Variants in EVA1C observed in about 807,000 individuals in gnomAD.
The protein encoded by EVA1C is protein eva-1 homolog C.
Under a neutral mutation model 45.4 loss-of-function variants are expected in EVA1C, and 25 were observed. The ratio of observed to expected loss-of-function variants is 0.55; its 90% CI spans 0.40 to 0.77. EVA1C has a LOEUF of 0.77. Among genes scored for constraint, EVA1C ranks in the 30% least tolerant of loss-of-function variants. EVA1C has a pLI of 0.00. For missense variants in EVA1C, 479 were observed against 554.8 expected (o/e 0.86, Z 1.37); for synonymous variants, 190 against 221.2 (o/e 0.86, Z 1.25).
At chr21:32,482,618 G>A (rs1362956139) in intron 4 of EVA1C, among the ~76,000 whole-genome samples, 1 of 152,162 alleles carries the variant, frequency 6.6e-6, no homozygotes, top group Non-Finnish European at 1.5e-5. Flanking sequence ...TATTTATTGA[G>A]TCGGACACTG....
intron 1 of EVA1C, among the ~76,000 whole-genome samples, chr21:32,416,970 T>G (rs933846023): frequency 4.6e-5 from 7 of 152,184 alleles, no homozygotes; most frequent in African/African-American, 1.7e-4. Flanking sequence ...GTTGTTGTTG[T>G]TTTTTAATGG....
At chr21:32,438,395 G>A (rs2035043872) in intron 1 of EVA1C, among the ~76,000 whole-genome samples, 1 of 150,058 alleles carries the variant, frequency 6.7e-6, no homozygotes, top group Admixed American at 6.7e-5. Flanking sequence ...TACTCGGGAG[G>A]CTGAGGCAGG....
rs147243845 is a variant in EVA1C, at chr21:32,503,835, C to T, written c.860-91C>T. Reference sequence around the variant, plus strand: ...TTTCTGTGACTTTTAATTATTCCGGCGGTCCCTGGGGTAGGAGCAGCAGGG... The same window carrying T: ...TTTCTGTGACTTTTAATTATTCCGGTGGTCCCTGGGGTAGGAGCAGCAGGG... On this transcript the variant is annotated intron_variant, in intron 6 of 7. Transcript: ENST00000300255. 2.3e-4 allele frequency: 172 copies of T among 752,878 alleles called. No homozygotes were observed. In the East Asian group the frequency reaches 4.3e-3, roughly 19 times the overall value. The allele number at this position is 752,878 out of a possible 1,614,324, so 46.6% of individuals were successfully genotyped here. A position where few individuals can be genotyped will look rare whatever the true frequency, so the allele number is the denominator to read the frequency against.
chr21:32,510,963 C>T (rs2037926868), intron 7 of EVA1C, among the ~76,000 whole-genome samples: 2 of 152,068 alleles, frequency 1.3e-5, no homozygotes, highest in Non-Finnish European at 1.5e-5. Context: ...TTGTTTGAGC[C>T]CAGGAATTCA....
chr21:32,450,069 A>G (rs2035522660), intron 1 of EVA1C, among the ~76,000 whole-genome samples: 1 of 152,218 alleles, frequency 6.6e-6, no homozygotes, highest in Non-Finnish European at 1.5e-5. Context: ...AATTCTATGC[A>G]CTGAGCTTCT....
intron 3 of EVA1C, among the ~76,000 whole-genome samples, chr21:32,466,639 G>A (rs554895519): frequency 3.1e-4 from 47 of 152,070 alleles, no homozygotes; most frequent in African/African-American, 1.1e-3. Flanking sequence ...AGCACTACCT[G>A]GTCCAAAACA....
intron 1 of EVA1C, among the ~76,000 whole-genome samples, chr21:32,449,054 G>GAGAAA (rs563773215): frequency 6.6e-6 from 1 of 151,748 alleles, no homozygotes. Flanking sequence ...AGGAAAGAAA[G>GAGAAA]AGAAAAGAAA....
At chr21:32,502,627 A>T (rs2037597078) in intron 6 of EVA1C, among the ~76,000 whole-genome samples, 1 of 152,168 alleles carries the variant, frequency 6.6e-6, no homozygotes, top group African/African-American at 2.4e-5. Flanking sequence ...TAAGTATAAA[A>T]GTAAAGTATG....
At chr21:32,424,003 T>C (rs2034393832) in intron 1 of EVA1C, among the ~76,000 whole-genome samples, 1 of 152,202 alleles carries the variant, frequency 6.6e-6, no homozygotes, top group African/African-American at 2.4e-5. Flanking sequence ...TAATAGAGTG[T>C]AATCCCATTT....
chr21:32,493,726 C>T (rs1012426616), intron 4 of EVA1C: 4 of 152,216 alleles, frequency 2.6e-5, no homozygotes, highest in Non-Finnish European at 2.9e-5. Flanking sequence ...TATTGCAAAT[C>T]CTGTGAAAGG....
chr21:32,486,824 C>G (rs760586830), intron 4 of EVA1C, among the ~76,000 whole-genome samples: 1 of 152,082 alleles, frequency 6.6e-6, no homozygotes, highest in Admixed American at 6.5e-5. Flanking sequence ...CTGTCCTAGC[C>G]CTGTCCCTTT....
rs563080352 is a variant in EVA1C, at chr21:32,473,649, G to A, written c.634+5801G>A. On this transcript the variant is annotated intron_variant, in intron 4 of 7. Coordinates refer to ENST00000300255, the MANE Select transcript of EVA1C (RefSeq NM_058187.5). Reference sequence around the variant, plus strand: ...TCCGGGCATCTCTCCCCTGGACATCGAAGCTGCCTCCCCTCTTCGCTTAGC... The same window carrying A: ...TCCGGGCATCTCTCCCCTGGACATCAAAGCTGCCTCCCCTCTTCGCTTAGC... 4.6e-5 allele frequency among the ~76,000 whole-genome samples: 7 copies of A among 152,262 alleles called. 1 individual carries two copies. The highest frequency in any genetic ancestry group is 1.9e-4 in the East Asian group (1 of 5,170).
rs1375234926 is a variant in EVA1C, at chr21:32,444,103, A to G, written c.161-9209A>G. ...ACACACACACACACAAACTCAAAGT[A>G]CTTTCTCTATTCTTTCACTCAACAA... is the stretch of plus-strand genomic sequence containing the variant. On this transcript the variant is annotated intron_variant, in intron 1 of 7. Coordinates refer to ENST00000300255, the MANE Select transcript of EVA1C (RefSeq NM_058187.5). Among the ~76,000 whole-genome samples the G allele has an allele frequency of 4.0e-5, 6 of 150,698 alleles. No homozygotes were observed. In the Admixed American group the frequency reaches 4.0e-4, roughly 10 times the overall value.
intron 4 of EVA1C, 74 bp from the exon 5 acceptor site, chr21:32,494,953 A>C: frequency 2.6e-5 from 37 of 1,414,518 alleles, no homozygotes; most frequent in Middle Eastern, 1.8e-4. Context: ...ATTTATTTAC[A>C]GAGAATGCTG....
intron 1 of EVA1C, among the ~76,000 whole-genome samples, chr21:32,444,929 C>G (rs1439605626): frequency 2.0e-5 from 3 of 150,346 alleles, no homozygotes; most frequent in African/African-American, 7.3e-5. Context: ...CTGTAGAACA[C>G]TTTGGGACAC....
At chr21:32,417,596 C>T (rs929498048) in intron 1 of EVA1C, among the ~76,000 whole-genome samples, 6 of 152,180 alleles carry the variant, frequency 3.9e-5, no homozygotes, top group African/African-American at 1.4e-4. Flanking sequence ...AGATCATTTG[C>T]AGCCCAATAA....
intron 1 of EVA1C, among the ~76,000 whole-genome samples, chr21:32,421,164 G>GCTGA (rs2034252982): frequency 2.9e-5 from 2 of 68,094 alleles, no homozygotes; most frequent in Non-Finnish European, 5.7e-5. Context: ...ATAAATGAGT[G>GCTGA]GTGAGGAAAC....
chr21:32,412,786 G>A lies in EVA1C; in HGVS notation c.-68G>A. The A allele has an allele frequency of 3.1e-6, 4 of 1,295,060 alleles. No homozygotes were observed. The East Asian group carries it at 9.5e-5, about 31-fold the overall frequency. 80.2% of individuals were successfully genotyped at this position (1,295,060 alleles called of 1,614,324 possible). A position where few individuals can be genotyped will look rare whatever the true frequency, so the allele number is the denominator to read the frequency against. On this transcript the variant is annotated 5_prime_UTR_variant, in exon 1 of 8. Transcript: ENST00000300255. ...CCATCGATTCTCCCCGCCATGTGAC[G>A]CCGTCCTTAGCCCTGCGACCCCCAG...
chr21:32,465,437 G>A (rs933267594), intron 3 of EVA1C, among the ~76,000 whole-genome samples: 1 of 152,160 alleles, frequency 6.6e-6, no homozygotes, highest in Non-Finnish European at 1.5e-5. Flanking sequence ...GCCAATGCTT[G>A]TTTGGCTGAA....
Sources: allele counts gnomAD v4.1 joint callset (sites outside exome capture counted in the v4.1 genomes callset), GRCh38; gene constraint gnomAD v4.1.1; transcripts MANE v1.5; gene names NCBI Gene and HGNC (gene_info 2026-07-23, HGNC 2026-07-21).